EML6: variants seen among roughly 807,000 people sequenced by gnomAD.
EML6 encodes the protein EMAP like 6, also known as echinoderm microtubule-associated protein-like 6.
In EML6, 154 loss-of-function variants were observed where a neutral mutation model predicts 240.1. The observed-to-expected ratio is 0.64, with a 90% CI of 0.56 to 0.73. The LOEUF is 0.73. EML6 is among the 30% of genes least tolerant of loss of function. EML6 has a pLI of 0.00. For missense variants in EML6, 2,964 were observed against 2,474.6 expected, an observed-to-expected ratio of 1.20 and a Z score of -4.20; for synonymous variants, 1,148 against 899.0, an observed-to-expected ratio of 1.28 and a Z score of -4.95.
chr2:54,903,281 G>T (rs1673156491), intron 23 of EML6, 85 bp downstream of exon 23: 18 of 1,521,916 alleles, frequency 1.2e-5, no homozygotes, highest in Middle Eastern at 1.7e-4. Context: ...ATGTTTCTTT[G>T]ACCATTTTCC....
chr2:54,948,839 C>T, intron 28 of EML6, 43 bp from the exon 29 acceptor site: 1 of 1,476,538 alleles, frequency 6.8e-7, no homozygotes. Context: ...GCCTTGCAGC[C>T]CTTGTTCAAT....
chr2:54,963,535 TTGAA>T (rs1169431251), intron 36 of EML6, among the ~76,000 whole-genome samples: 2 of 151,574 alleles, frequency 1.3e-5, no homozygotes, highest in African/African-American at 2.4e-5. Flanking sequence ...GATTCAGAAT[TTGAA>T]CTAGCAGAGG....
chr2:54,879,906 T>C (rs879760713), intron 17 of EML6: 2 of 403,252 alleles, frequency 5.0e-6, no homozygotes, highest in Non-Finnish European at 8.8e-6. Flanking sequence ...CTGTGTAATC[T>C]GTATCAAAGC....
intron 24 of EML6, among the ~76,000 whole-genome samples, chr2:54,905,355 C>T (rs1673270994): frequency 6.6e-6 from 1 of 150,476 alleles, no homozygotes; most frequent in South Asian, 2.1e-4. Context: ...CACACACACA[C>T]ACACACACAC....
At chr2:54,889,047 A>G (rs1287673624) in intron 17 of EML6, among the ~76,000 whole-genome samples, 1 of 152,162 alleles carries the variant, frequency 6.6e-6, no homozygotes, top group Non-Finnish European at 1.5e-5. Context: ...ATTTATTTTA[A>G]AAGTTCATCT....
intron 26 of EML6, among the ~76,000 whole-genome samples, chr2:54,924,041 T>G (rs1422476217): frequency 1.3e-5 from 2 of 152,254 alleles, no homozygotes; most frequent in Non-Finnish European, 2.9e-5. Flanking sequence ...ATGAACATAC[T>G]TTTCCAGTTT....
At chr2:54,864,851 C>A (rs977227665) in intron 13 of EML6, among the ~76,000 whole-genome samples, 1 of 152,212 alleles carries the variant, frequency 6.6e-6, no homozygotes, top group African/African-American at 2.4e-5. Context: ...AGCCCATAAT[C>A]ATCAGTCATT....
chr2:54,852,783 CTT>C (rs1469873738), intron 10 of EML6, among the ~76,000 whole-genome samples: 1 of 152,138 alleles, frequency 6.6e-6, no homozygotes, highest in Non-Finnish European at 1.5e-5. Context: ...TTTGAAAATA[CTT>C]ATTCTGAGAG....
chr2:54,921,318 C>T (rs1228541955), intron 26 of EML6, among the ~76,000 whole-genome samples: 1 of 152,022 alleles, frequency 6.6e-6, no homozygotes, highest in Non-Finnish European at 1.5e-5. Context: ...AGACTATCTA[C>T]AAAAACTGTA....
intron 8 of EML6, among the ~76,000 whole-genome samples, chr2:54,846,331 C>T (rs1669750978): frequency 6.6e-6 from 1 of 151,870 alleles, no homozygotes; most frequent in Non-Finnish European, 1.5e-5. Context: ...TTACTGGAAG[C>T]ACTTTTATAT....
intron 2 of EML6, among the ~76,000 whole-genome samples, chr2:54,770,819 T>C (rs1668373434): frequency 6.6e-6 from 1 of 152,192 alleles, no homozygotes; most frequent in Non-Finnish European, 1.5e-5. Context: ...TTTCCAGTGC[T>C]GCCTTCTTAG....
chr2:54,854,703 A>G (rs935088298), intron 11 of EML6, among the ~76,000 whole-genome samples: 3 of 152,274 alleles, frequency 2.0e-5, no homozygotes, highest in African/African-American at 4.8e-5. Flanking sequence ...AGTGACAGTT[A>G]TGGTACAAAT....
chr2:54,807,193 G>A (rs757801533), intron 2 of EML6, among the ~76,000 whole-genome samples: 2 of 151,668 alleles, frequency 1.3e-5, no homozygotes, highest in Non-Finnish European at 2.9e-5. Context: ...AATCAAATGA[G>A]GAATAAATTC....
Position 54,962,790 on chromosome 2 carries a change from C to A in EML6, c.5157+79C>A. ...GGGAGCTGAGCGAGGAGAGGCCCAG[C>A]CAGCGTCATGGCAGAGACGGGGATG... is the stretch of plus-strand genomic sequence containing the variant. On this transcript the variant is annotated intron_variant, in intron 36 of 41. Coordinates refer to ENST00000356458, the MANE Select transcript of EML6 (RefSeq NM_001039753.4). 2.4e-6 allele frequency: 3 copies of A among 1,239,266 alleles called. No homozygotes were observed. The South Asian group carries it at 6.1e-5, about 25-fold the overall frequency. 76.8% of individuals were successfully genotyped at this position (1,239,266 alleles called of 1,614,324 possible). A position where few individuals can be genotyped will look rare whatever the true frequency, so the allele number is the denominator to read the frequency against.
Position 54,813,312 on chromosome 2 carries a change from A to T in EML6, c.278A>T (p.Tyr93Phe), listed in dbSNP as rs769758660. The change falls in exon 3 of 42, where the codon TAT becomes TTT. Residue 93 changes from tyrosine (Y) to phenylalanine (F), a missense_variant. Transcript: ENST00000356458. The stretch of plus-strand genomic sequence containing the variant: ...CCATATATATGCATATGGGATTCCT[A>T]TAATGTCCAGACTGTGTCTCTTCTT... ...KEPYICIWDS[Y>F]NVQTVSLLKD... The T allele has an allele frequency of 6.4e-6, 10 of 1,551,326 alleles. No individual in the cohort carries two copies. Among genetic ancestry groups the T allele is most frequent in the Non-Finnish European group, 8.7e-6 (10 of 1,146,588 alleles).
intron 30 of EML6, among the ~76,000 whole-genome samples, chr2:54,952,068 C>T (rs192557242): frequency 6.6e-6 from 1 of 152,164 alleles, no homozygotes; most frequent in Non-Finnish European, 1.5e-5. Flanking sequence ...AGGGTAAAGC[C>T]ATCACCTGTG....
At chr2:54,855,861 A>G (rs925869651) in intron 11 of EML6, among the ~76,000 whole-genome samples, 3 of 152,190 alleles carry the variant, frequency 2.0e-5, no homozygotes, top group African/African-American at 7.2e-5. Flanking sequence ...TGGGAATACT[A>G]GCAGTTGGTG....
At chr2:54,851,060 A>G (rs993541) in intron 10 of EML6, among the ~76,000 whole-genome samples, 1 of 151,686 alleles carries the variant, frequency 6.6e-6, no homozygotes, top group Non-Finnish European at 1.5e-5. Flanking sequence ...CATGGGAATG[A>G]TACCTCATTC....
At chr2:54,944,645 C>T (rs996363771) in intron 28 of EML6, among the ~76,000 whole-genome samples, 2 of 152,082 alleles carry the variant, frequency 1.3e-5, no homozygotes, top group African/African-American at 2.4e-5. Context: ...TTTAAAACAA[C>T]AACAAAAAGA....
Sources: gnomAD v4.1 joint callset for allele counts (sites outside exome capture counted in the v4.1 genomes callset) on GRCh38, gnomAD v4.1.1 for gene constraint, MANE v1.5 for transcripts, NCBI Gene and HGNC (gene_info 2026-07-23, HGNC 2026-07-21) for gene names.